The following FAF1 variants were observed in gnomAD, a reference collection of about 807,000 sequenced individuals.
FAF1 encodes Fas associated factor 1.
FAF1 carries 25 observed loss-of-function variants against 92.5 expected under a neutral mutation model. The observed-to-expected ratio is 0.27, with a 90% CI of 0.20 to 0.38. The LOEUF (loss-of-function observed/expected upper bound fraction) is 0.38, where lower values mean the gene tolerates loss of function less well. Among genes scored for constraint, FAF1 ranks in the 10% least tolerant of loss-of-function variants. The pLI is 1.00. For missense variants in FAF1, 636 were observed against 793.3 expected (o/e 0.80, Z 2.38); for synonymous variants, 234 against 273.2 (o/e 0.86, Z 1.42).
chr1:50,584,799 C>A lies in FAF1; in HGVS notation c.853G>T (p.Val285Phe), dbSNP rs1389638073. ...CCATCGCTATCACTAACCATATGAA[C>A]ATCGGTGATTTGCTATTTAAGGAAA... ...REQSEEQITD[V>F]HMVSDSDGDD... is the part of the protein sequence containing the mutation. The change falls in exon 10 of 19, where the codon GTT becomes TTT. Residue 285 changes from valine (V) to phenylalanine (F), a missense_variant. By Grantham distance (50) the Val-to-Phe change is conservative. Coordinates refer to ENST00000396153, the MANE Select transcript of FAF1 (RefSeq NM_007051.3). 1 of 1,612,990 alleles carries A rather than the reference C, an allele frequency of 6.2e-7. No homozygotes were observed. The highest frequency in any genetic ancestry group is 1.3e-5 in the African/African-American group (1 of 74,858).
intron 18 of FAF1, among the ~76,000 whole-genome samples, chr1:50,458,951 C>T (rs1357540101): frequency 1.3e-5 from 2 of 151,676 alleles, no homozygotes; most frequent in African/African-American, 4.8e-5. Flanking sequence ...AGAACTCAGT[C>T]TCCCCTGCCC....
intron 1 of FAF1, among the ~76,000 whole-genome samples, chr1:50,915,160 C>T (rs1332713650): frequency 6.6e-6 from 1 of 152,090 alleles, no homozygotes; most frequent in Non-Finnish European, 1.5e-5. Context: ...CACCTGAGGT[C>T]AGGAGTTTGA....
intron 1 of FAF1, among the ~76,000 whole-genome samples, chr1:50,916,021 T>C (rs1326010562): frequency 6.6e-6 from 1 of 152,198 alleles, no homozygotes; most frequent in Non-Finnish European, 1.5e-5. Context: ...AGCCCTCTGT[T>C]TGATAATTCC....
At chr1:50,650,284 C>CAA (rs1213490969) in intron 8 of FAF1, among the ~76,000 whole-genome samples, 200 of 84,208 alleles carry the variant, frequency 2.4e-3, no homozygotes, top group African/African-American at 7.5e-3. Flanking sequence ...AACTCTGTCT[C>CAA]AAAAAAAAAA....
chr1:50,942,147 G>C (rs1272840648), intron 1 of FAF1, among the ~76,000 whole-genome samples: 1 of 152,068 alleles, frequency 6.6e-6, no homozygotes, highest in African/African-American at 2.4e-5. Flanking sequence ...CAAATTAGAT[G>C]GCATATAACA....
intron 6 of FAF1, among the ~76,000 whole-genome samples, chr1:50,711,463 C>CTTTTT (rs1160668174): frequency 5.5e-4 from 45 of 81,950 alleles, no homozygotes; most frequent in Admixed American, 1.1e-3. Context: ...TCCACACTGA[C>CTTTTT]TTTTTTTTTT....
intron 7 of FAF1, among the ~76,000 whole-genome samples, chr1:50,672,897 C>T (rs1474213150): frequency 1.3e-5 from 2 of 151,998 alleles, no homozygotes; most frequent in African/African-American, 2.4e-5. Context: ...GTGGGTGGAT[C>T]ACTTGAGTTT....
chr1:50,708,335 C>G (rs925390027), intron 6 of FAF1, among the ~76,000 whole-genome samples: 2 of 152,074 alleles, frequency 1.3e-5, no homozygotes, highest in African/African-American at 4.8e-5. Flanking sequence ...AGTCAGACCA[C>G]TTACTGATGG....
Position 50,666,134 on chromosome 1 carries a change from A to C in FAF1, c.658-10606T>G, listed in dbSNP as rs1278871411. ...AGGTTGCAGTGAGCCCAGATCAAAA[A>C]AAAAAAAAAGACCAGGTGATCTGCC... is the stretch of plus-strand genomic sequence containing the variant. On this transcript the variant is annotated intron_variant, in intron 7 of 18. Coordinates refer to ENST00000396153, the MANE Select transcript of FAF1 (RefSeq NM_007051.3). 2.0e-5 allele frequency among the ~76,000 whole-genome samples: 3 copies of C among 151,852 alleles called. No individual in the cohort carries two copies. In the East Asian group the frequency reaches 5.8e-4, roughly 29 times the overall value.
intron 1 of FAF1, among the ~76,000 whole-genome samples, chr1:50,887,833 T>C (rs1644681790): frequency 6.6e-6 from 1 of 152,218 alleles, no homozygotes. Flanking sequence ...CTTTGTTCTT[T>C]TGGCTTAGGA....
intron 2 of FAF1, among the ~76,000 whole-genome samples, chr1:50,818,411 A>G (rs2124614915): frequency 6.6e-6 from 1 of 152,352 alleles, no homozygotes; most frequent in Middle Eastern, 3.4e-3. Flanking sequence ...GAATTTACCC[A>G]AAAGAAAAAA....
chr1:50,813,250 G>GA (rs1421602592), intron 2 of FAF1, among the ~76,000 whole-genome samples: 4 of 151,504 alleles, frequency 2.6e-5, no homozygotes, highest in African/African-American at 4.9e-5. Context: ...GGGAAAAATT[G>GA]AAAAAAAATT....
intron 2 of FAF1, 48 bp downstream of exon 2, chr1:50,857,881 G>T (rs536640549): frequency 1.8e-5 from 21 of 1,168,302 alleles, no homozygotes; most frequent in East Asian, 7.2e-5. Context: ...AGACATTCAA[G>T]AATTCATAAA....
In FAF1 at chr1:50,549,799, A is replaced by C. The variant is rs1027201843; in HGVS notation, c.1269-10071T>G. 8.6e-5 allele frequency among the ~76,000 whole-genome samples: 13 copies of C among 151,972 alleles called. 1 individual carries two copies. Among genetic ancestry groups the C allele is most frequent in the South Asian group, 4.2e-4 (2 of 4,800 alleles). On this transcript the variant is annotated intron_variant, in intron 13 of 18. Coordinates refer to ENST00000396153, the MANE Select transcript of FAF1 (RefSeq NM_007051.3). Reference sequence around the variant, plus strand: ...CAAAAAACAAAAACAAAAACAAAAAAATTAAGAGACACAGACTTGCTATAT... The same window carrying C: ...CAAAAAACAAAAACAAAAACAAAAACATTAAGAGACACAGACTTGCTATAT...
At chr1:50,720,090 C>T (rs748044825) in intron 6 of FAF1, among the ~76,000 whole-genome samples, 3 of 151,972 alleles carry the variant, frequency 2.0e-5, no homozygotes, top group Non-Finnish European at 4.4e-5. Context: ...CAATCTCCAC[C>T]TCCTGAGTTG....
At chr1:50,789,243 C>G (rs1296102169) in intron 3 of FAF1, among the ~76,000 whole-genome samples, 1 of 152,120 alleles carries the variant, frequency 6.6e-6, no homozygotes, top group Non-Finnish European at 1.5e-5. Flanking sequence ...TAAAAATGTT[C>G]AAATCTCTCC....
At chr1:50,847,776 T>C (rs1570046043) in intron 2 of FAF1, among the ~76,000 whole-genome samples, 1 of 152,126 alleles carries the variant, frequency 6.6e-6, no homozygotes, top group Non-Finnish European at 1.5e-5. Flanking sequence ...CTGTATATTA[T>C]ATAAATTTCT....
At chr1:50,447,417 G>A (rs1314725300) in intron 18 of FAF1, among the ~76,000 whole-genome samples, 1 of 152,070 alleles carries the variant, frequency 6.6e-6, no homozygotes, top group Non-Finnish European at 1.5e-5. Context: ...GAGCCACCGC[G>A]CCTGGCCTAT....
intron 1 of FAF1, among the ~76,000 whole-genome samples, chr1:50,899,339 T>C (rs1557580788): frequency 6.6e-6 from 1 of 152,140 alleles, no homozygotes; most frequent in Non-Finnish European, 1.5e-5. Context: ...CATTTCTAGG[T>C]CTCTCTCTAC....
Sources: allele counts gnomAD v4.1 joint callset (sites outside exome capture counted in the v4.1 genomes callset), GRCh38; gene constraint gnomAD v4.1.1; transcripts MANE v1.5; gene names NCBI Gene and HGNC (gene_info 2026-07-23, HGNC 2026-07-21).